Variants in XIRP2 observed in about 807,000 individuals in gnomAD.
The protein encoded by XIRP2 is xin actin-binding repeat-containing protein 2.
Under a neutral mutation model 277.0 loss-of-function variants are expected in XIRP2, and 236 were observed. That is an observed-to-expected ratio of 0.85 (90% CI 0.77 to 0.95). The LOEUF is 0.95. XIRP2 is among the 40% of genes least tolerant of loss of function. The probability of loss-of-function intolerance (pLI) is 0.00; values close to 1 mark genes in which losing one functional copy is unlikely to be tolerated. For synonymous variants in XIRP2, 1,490 were observed against 1,416.5 expected, an observed-to-expected ratio of 1.05 and a Z score of -1.17; for missense variants, 4,640 against 4,157.5, an observed-to-expected ratio of 1.12 and a Z score of -3.19.
chr2:167,148,208 C>T (rs1691912283), intron 3 of XIRP2, among the ~76,000 whole-genome samples: 1 of 151,700 alleles, frequency 6.6e-6, no homozygotes, highest in South Asian at 2.1e-4. Context: ...ATGGCAAAAC[C>T]CCATCTCTAA....
At chr2:167,053,700 T>C (rs1337829597) in intron 2 of XIRP2, among the ~76,000 whole-genome samples, 1 of 152,236 alleles carries the variant, frequency 6.6e-6, no homozygotes, top group Non-Finnish European at 1.5e-5. Flanking sequence ...TAATTTGTCA[T>C]GTTTTAGTCA....
At chr2:167,078,197 A>T (rs1356631804) in intron 2 of XIRP2, among the ~76,000 whole-genome samples, 1 of 152,090 alleles carries the variant, frequency 6.6e-6, no homozygotes, top group Non-Finnish European at 1.5e-5. Context: ...TCACCTCCTC[A>T]GTTAGATGTA....
At chr2:167,220,188 T>C (rs1207409223) in intron 5 of XIRP2, among the ~76,000 whole-genome samples, 1 of 152,196 alleles carries the variant, frequency 6.6e-6, no homozygotes, top group Non-Finnish European at 1.5e-5. Flanking sequence ...TTTTTCCTTC[T>C]TTCAATAACA....
chr2:167,213,308 G>T (rs1694112028), intron 4 of XIRP2, among the ~76,000 whole-genome samples: 1 of 152,084 alleles, frequency 6.6e-6, no homozygotes, highest in African/African-American at 2.4e-5. Flanking sequence ...TCTATGCCCA[G>T]TTTATAAGAA....
chr2:166,923,702 AAGG>A (rs1685111503), intron 2 of XIRP2, among the ~76,000 whole-genome samples: 1 of 152,094 alleles, frequency 6.6e-6, no homozygotes, highest in Non-Finnish European at 1.5e-5. Context: ...TTGCAGTTTC[AAGG>A]AGTTCACACT....
At chr2:167,088,506 C>T (rs996580245) in intron 2 of XIRP2, among the ~76,000 whole-genome samples, 1 of 152,148 alleles carries the variant, frequency 6.6e-6, no homozygotes, top group Non-Finnish European at 1.5e-5. Context: ...CCAGGATGAT[C>T]TTTCAAAAAT....
At chr2:166,911,115 G>C (rs1422143349) in intron 2 of XIRP2, among the ~76,000 whole-genome samples, 1 of 152,212 alleles carries the variant, frequency 6.6e-6, no homozygotes, top group African/African-American at 2.4e-5. Flanking sequence ...GAGTTCTGTA[G>C]ATGTCTATTA....
intron 2 of XIRP2, among the ~76,000 whole-genome samples, chr2:167,131,016 C>T (rs185048936): frequency 6.6e-6 from 1 of 152,102 alleles, no homozygotes. Flanking sequence ...TCCATTCCCC[C>T]CATCAATTAA....
At chr2:166,979,817 T>C (rs550271244) in intron 2 of XIRP2, among the ~76,000 whole-genome samples, 19 of 152,316 alleles carry the variant, frequency 1.2e-4, no homozygotes, top group African/African-American at 4.3e-4. Flanking sequence ...AACTATGTTT[T>C]CAAAGCATAT....
intron 1 of XIRP2, among the ~76,000 whole-genome samples, chr2:166,889,047 G>A (rs1459480900): frequency 3.3e-5 from 5 of 152,138 alleles, no homozygotes; most frequent in Non-Finnish European, 7.4e-5. Context: ...CCAAGGGCAT[G>A]AGCCTGCAGC....
intron 5 of XIRP2, among the ~76,000 whole-genome samples, chr2:167,236,470 A>C (rs1694902516): frequency 6.6e-6 from 1 of 152,074 alleles, no homozygotes; most frequent in African/African-American, 2.4e-5. Flanking sequence ...AGCTGACATC[A>C]GACTGATGTG....
At chr2:167,075,951 C>T (rs1327185755) in intron 2 of XIRP2, among the ~76,000 whole-genome samples, 1 of 152,028 alleles carries the variant, frequency 6.6e-6, no homozygotes, top group Non-Finnish European at 1.5e-5. Context: ...GATGGAATTA[C>T]AAGCGTGAGC....
intron 2 of XIRP2, among the ~76,000 whole-genome samples, chr2:166,978,800 G>A (rs988606499): frequency 1.3e-5 from 2 of 152,046 alleles, no homozygotes; most frequent in African/African-American, 4.8e-5. Context: ...GGGCAACACA[G>A]TGAGATCCTG....
chr2:167,154,022 C>A (rs1361248016), intron 3 of XIRP2, among the ~76,000 whole-genome samples: 1 of 149,698 alleles, frequency 6.7e-6, no homozygotes, highest in Non-Finnish European at 1.5e-5. Context: ...TACAGTCCCA[C>A]CAACAGTGTA....
intron 2 of XIRP2, among the ~76,000 whole-genome samples, chr2:166,936,668 G>A (rs907279136): frequency 4.6e-5 from 7 of 152,114 alleles, no homozygotes; most frequent in African/African-American, 1.7e-4. Context: ...ATTAAATAGG[G>A]AATCCTTTCC....
At chr2:166,898,487 A>G (rs189566329) in intron 1 of XIRP2, among the ~76,000 whole-genome samples, 1 of 152,258 alleles carries the variant, frequency 6.6e-6, no homozygotes, top group Admixed American at 6.5e-5. Context: ...TTATCCATTT[A>G]GTTTTTAACA....
chr2:166,893,062 C>A (rs1226948344), intron 1 of XIRP2, among the ~76,000 whole-genome samples: 1 of 150,906 alleles, frequency 6.6e-6, no homozygotes, highest in Non-Finnish European at 1.5e-5. Context: ...AGAGGGTTTG[C>A]GTGTGCTGTA....
chr2:167,153,560 C>G (rs950125981), intron 3 of XIRP2, among the ~76,000 whole-genome samples: 2 of 151,488 alleles, frequency 1.3e-5, no homozygotes, highest in Non-Finnish European at 2.9e-5. Flanking sequence ...CCTCCCCACT[C>G]CCCCCACCCC....
At chr2:167,239,471 T>A (rs1419609502) in intron 5 of XIRP2, among the ~76,000 whole-genome samples, 1 of 152,232 alleles carries the variant, frequency 6.6e-6, no homozygotes, top group East Asian at 1.9e-4. Context: ...TGGAAGACAG[T>A]GTCAGTTAGA....
Sources: gnomAD v4.1 joint callset for allele counts (sites outside exome capture counted in the v4.1 genomes callset) on GRCh38, gnomAD v4.1.1 for gene constraint, MANE v1.5 for transcripts, NCBI Gene and HGNC (gene_info 2026-07-23, HGNC 2026-07-21) for gene names.